Variants in BMP7 observed in about 807,000 individuals in gnomAD.
BMP7 encodes bone morphogenetic protein 7.
A neutral mutation model predicts 41.2 loss-of-function variants in BMP7; 12 were observed. The observed-to-expected ratio is 0.29, with a 90% CI of 0.19 to 0.47. The LOEUF (loss-of-function observed/expected upper bound fraction) is 0.47. BMP7 is among the 20% of genes least tolerant of loss of function. The pLI is 0.99. For synonymous variants in BMP7, 248 were observed against 250.0 expected (o/e 0.99, Z 0.07); for missense variants, 467 against 606.0 (o/e 0.77, Z 2.41).
At chr20:57,181,348 T>C (rs961597229) in intron 4 of BMP7, among the ~76,000 whole-genome samples, 1 of 151,700 alleles carries the variant, frequency 6.6e-6, no homozygotes, top group Non-Finnish European at 1.5e-5. Flanking sequence ...CTACAAAAAA[T>C]AGCCAGGTGT....
chr20:57,208,459 T>A (rs766426585), intron 2 of BMP7, among the ~76,000 whole-genome samples: 12 of 152,162 alleles, frequency 7.9e-5, no homozygotes, highest in Non-Finnish European at 1.5e-4. Flanking sequence ...GGCAAGGATG[T>A]AGAGAAAGTG....
In BMP7 at chr20:57,257,801, T is replaced by C. The variant is rs377077156; in HGVS notation, c.418+7904A>G. ...AAAAAAACAGGAAAAGTGTCCTTTA[T>C]TGAAGGCCAAAACACAAGCCACCAA... is the stretch of plus-strand genomic sequence containing the variant. On this transcript the variant is annotated intron_variant, in intron 1 of 6. Coordinates refer to ENST00000395863, the MANE Select transcript of BMP7 (RefSeq NM_001719.3). Among the ~76,000 whole-genome samples, 19 of 146,120 alleles carry C rather than the reference T, an allele frequency of 1.3e-4. No homozygotes were observed. In the East Asian group the frequency reaches 3.7e-3, roughly 29 times the overall value.
chr20:57,229,425 G>C (rs955446684), intron 1 of BMP7, among the ~76,000 whole-genome samples: 1 of 152,182 alleles, frequency 6.6e-6, no homozygotes, highest in African/African-American at 2.4e-5. Flanking sequence ...AGCGGTATTA[G>C]ACTAAGATGT....
intron 1 of BMP7, among the ~76,000 whole-genome samples, chr20:57,253,555 T>C (rs1476272798): frequency 6.6e-6 from 1 of 151,990 alleles, no homozygotes; most frequent in Non-Finnish European, 1.5e-5. Context: ...TGTTAATGGG[T>C]CCGTAGATTG....
At chr20:57,232,430 A>G (rs997378330) in intron 1 of BMP7, among the ~76,000 whole-genome samples, 1 of 152,278 alleles carries the variant, frequency 6.6e-6, no homozygotes, top group Non-Finnish European at 1.5e-5. Flanking sequence ...AAAAAAGTGC[A>G]ATAGACCGAA....
chr20:57,252,710 T>G (rs1376133922), intron 1 of BMP7, among the ~76,000 whole-genome samples: 2 of 152,200 alleles, frequency 1.3e-5, no homozygotes, highest in East Asian at 1.9e-4. Context: ...AATCTGTGCT[T>G]CTTTCAGCCA....
At chr20:57,248,733 A>C (rs1242980446) in intron 1 of BMP7, among the ~76,000 whole-genome samples, 3 of 152,172 alleles carry the variant, frequency 2.0e-5, no homozygotes, top group Admixed American at 2.0e-4. Context: ...TTTTGTGCTG[A>C]AGCCATGCTA....
chr20:57,236,137 G>A (rs943872492), intron 1 of BMP7, among the ~76,000 whole-genome samples: 4 of 152,206 alleles, frequency 2.6e-5, no homozygotes, highest in African/African-American at 9.7e-5. Flanking sequence ...GAGAAAAGAT[G>A]TCAGCATTTT....
intron 4 of BMP7, among the ~76,000 whole-genome samples, chr20:57,181,660 G>T (rs900162783): frequency 6.6e-6 from 1 of 152,224 alleles, no homozygotes; most frequent in African/African-American, 2.4e-5. Flanking sequence ...GTCTTAGCAG[G>T]TAAATGCAAC....
At chr20:57,207,922 C>G (rs569848539) in intron 2 of BMP7, among the ~76,000 whole-genome samples, 1 of 149,664 alleles carries the variant, frequency 6.7e-6, no homozygotes, top group Non-Finnish European at 1.5e-5. Flanking sequence ...CTCCGCTTCC[C>G]GGGTTCACGC....
chr20:57,244,424 T>G (rs1378874734), intron 1 of BMP7, among the ~76,000 whole-genome samples: 2 of 152,188 alleles, frequency 1.3e-5, no homozygotes, highest in Non-Finnish European at 2.9e-5. Context: ...GAAGTGGGTT[T>G]TGAAACTCTC....
In BMP7 at chr20:57,218,961, G is replaced by A. The variant is rs141958020; in HGVS notation, c.611+9268C>T. 9.2e-3 allele frequency among the ~76,000 whole-genome samples: 1,369 copies of A among 149,546 alleles called. 28 individuals are homozygous for A. Among genetic ancestry groups the A allele is most frequent in the African/African-American group, 0.032 (1,297 of 40,082 alleles). On this transcript the variant is annotated intron_variant, in intron 2 of 6. Coordinates refer to ENST00000395863, the MANE Select transcript of BMP7 (RefSeq NM_001719.3). ...TGGTGTTGGTTAGGTGGTAGCTGGTGTTTGTTCAGTGATAGCTGGTGTTTG... is the reference window on the plus strand; with the variant it reads ...TGGTGTTGGTTAGGTGGTAGCTGGTATTTGTTCAGTGATAGCTGGTGTTTG...
intron 2 of BMP7, among the ~76,000 whole-genome samples, chr20:57,222,182 G>A (rs953756897): frequency 6.6e-6 from 1 of 152,158 alleles, no homozygotes; most frequent in Admixed American, 6.5e-5. Flanking sequence ...CCCGCCCGCC[G>A]CAAACACTCA....
chr20:57,175,072 G>A (rs1983893096), intron 4 of BMP7, 65 bp from the exon 5 acceptor site: 1 of 1,495,148 alleles, frequency 6.7e-7, no homozygotes. Flanking sequence ...ACACATCAAA[G>A]TTCCCTCCAT....
chr20:57,230,686 T>TA (rs1464689969), intron 1 of BMP7, among the ~76,000 whole-genome samples: 15 of 148,676 alleles, frequency 1.0e-4, no homozygotes, highest in Admixed American at 9.4e-4. Flanking sequence ...AGAACTTTTT[T>TA]TTTTTTTTGA....
intron 3 of BMP7, among the ~76,000 whole-genome samples, chr20:57,198,150 C>T (rs1984544454): frequency 6.9e-6 from 1 of 144,760 alleles, no homozygotes; most frequent in Admixed American, 6.8e-5. Flanking sequence ...GCTCTCCTCT[C>T]CCCCTCCTCT....
chr20:57,219,106 G>A lies in BMP7; in HGVS notation c.611+9123C>T, dbSNP rs1985119268. 2.4e-5 allele frequency among the ~76,000 whole-genome samples: 3 copies of A among 125,530 alleles called. 1 individual carries two copies. The highest frequency in any genetic ancestry group is 1.8e-4 in the African/African-American group (3 of 17,028). The allele number at this position is 125,530 out of a possible 152,430, so 82.4% of individuals were successfully genotyped here. ...TGTTCAGTGGTAGCTGGTGTTTGGT[G>A]GTAGCTGGTGTTTGTTCGGTGGTAG... On this transcript the variant is annotated intron_variant, in intron 2 of 6. Coordinates refer to ENST00000395863, the MANE Select transcript of BMP7 (RefSeq NM_001719.3).
chr20:57,217,221 C>T (rs115582644), intron 2 of BMP7, among the ~76,000 whole-genome samples: 1,590 of 146,428 alleles, frequency 0.011, 21 homozygotes, highest in African/African-American at 0.037. Flanking sequence ...GTGGGTTCAA[C>T]CCCAGAGCAA....
chr20:57,260,186 C>A (rs771298496), intron 1 of BMP7, among the ~76,000 whole-genome samples: 3 of 152,158 alleles, frequency 2.0e-5, no homozygotes, highest in Non-Finnish European at 4.4e-5. Context: ...CAAAATGACC[C>A]AAGAGCAAGT....
Sources: allele counts gnomAD v4.1 joint callset (sites outside exome capture counted in the v4.1 genomes callset), GRCh38; gene constraint gnomAD v4.1.1; transcripts MANE v1.5; gene names NCBI Gene and HGNC (gene_info 2026-07-23, HGNC 2026-07-21).